Variants in EML6 observed in about 807,000 individuals in gnomAD.
EML6 encodes EMAP like 6.
Under a neutral mutation model 240.1 loss-of-function variants are expected in EML6, and 154 were observed. That is an observed-to-expected ratio of 0.64 (90% CI 0.56 to 0.73). The LOEUF (loss-of-function observed/expected upper bound fraction) is 0.73, where lower values mean the gene tolerates loss of function less well. Ranked by LOEUF, EML6 falls within the 30% of genes least tolerant of loss-of-function variation. EML6 has a pLI of 0.00. For missense variants in EML6, 2,964 were observed against 2,474.6 expected, an observed-to-expected ratio of 1.20 and a Z score of -4.20; for synonymous variants, 1,148 against 899.0, an observed-to-expected ratio of 1.28 and a Z score of -4.95.
At chr2:54,735,478 C>T (rs1281598650) in intron 2 of EML6, among the ~76,000 whole-genome samples, 6 of 152,164 alleles carry the variant, frequency 3.9e-5, no homozygotes, top group Non-Finnish European at 8.8e-5. Context: ...CATTGAGAGG[C>T]AGGATTCAGA....
intron 2 of EML6, among the ~76,000 whole-genome samples, chr2:54,773,274 C>T (rs1280602255): frequency 6.6e-6 from 1 of 152,248 alleles, no homozygotes; most frequent in African/African-American, 2.4e-5. Context: ...CTAGAAGGCT[C>T]CACTGAGCAG....
chr2:54,961,247 T>C (rs1049418287), intron 35 of EML6, among the ~76,000 whole-genome samples: 1 of 142,950 alleles, frequency 7.0e-6, no homozygotes, highest in Admixed American at 7.5e-5. Context: ...TACTGTGGCA[T>C]GATCTCAACT....
chr2:54,847,754 TAC>T, intron 9 of EML6, 131 bp downstream of exon 9: 2 of 926,760 alleles, frequency 2.2e-6, no homozygotes, highest in Non-Finnish European at 1.6e-6. Flanking sequence ...ACTATAGATC[TAC>T]GATCCCCTAT....
chr2:54,811,422 C>G (rs1248951910), intron 2 of EML6, among the ~76,000 whole-genome samples: 2 of 152,204 alleles, frequency 1.3e-5, no homozygotes, highest in Non-Finnish European at 2.9e-5. Context: ...TTCATATGAA[C>G]TCGTGTCTTC....
intron 35 of EML6, among the ~76,000 whole-genome samples, chr2:54,961,191 T>TTTTTTTTTGTTTTTTTG: frequency 9.0e-6 from 1 of 111,676 alleles, no homozygotes. Flanking sequence ...GTAGTTTTTT[T>TTTTTTTTTGTTTTTTTG]TTTTTTTTTT....
chr2:54,772,546 A>G (rs1668442813), intron 2 of EML6, among the ~76,000 whole-genome samples: 1 of 152,256 alleles, frequency 6.6e-6, no homozygotes, highest in African/African-American at 2.4e-5. Flanking sequence ...AATTTCCCCT[A>G]AACTGAGGCT....
intron 19 of EML6, among the ~76,000 whole-genome samples, chr2:54,894,095 G>C (rs999764429): frequency 2.6e-5 from 4 of 151,716 alleles, no homozygotes; most frequent in African/African-American, 4.8e-5. Flanking sequence ...TAAGAATAAG[G>C]ATATTTAGTG....
At position 54,850,134 on chromosome 2, in the gene EML6, A is replaced by G. The variant is rs1352079574; in HGVS notation, c.1360A>G (p.Ile454Val). ...AGAATGCAGCAAGTCCCTTAGTTTCATCACGCATATTGACTGGTCCTTGGA... is the reference window on the plus strand; with the variant it reads ...AGAATGCAGCAAGTCCCTTAGTTTCGTCACGCATATTGACTGGTCCTTGGA... ...IGECSKSLSFITHIDWSLDSK... is the reference protein window; with the variant it reads ...IGECSKSLSFVTHIDWSLDSK... Residue 454 changes from isoleucine (I) to valine (V), a missense_variant, in exon 10 of 42, where the codon ATC becomes GTC. By Grantham distance (29) the Ile-to-Val change is conservative (BLOSUM62 3). Coordinates refer to ENST00000356458, the MANE Select transcript of EML6 (RefSeq NM_001039753.4). 1.3e-6 allele frequency: 2 copies of G among 1,551,818 alleles called. No individual in the cohort carries two copies. Among genetic ancestry groups the G allele is most frequent in the Non-Finnish European group, 1.7e-6 (2 of 1,146,972 alleles).
At chr2:54,943,737 G>C (rs939086107) in intron 28 of EML6, among the ~76,000 whole-genome samples, 2 of 152,134 alleles carry the variant, frequency 1.3e-5, no homozygotes, top group Admixed American at 6.5e-5. Flanking sequence ...AAAAAGTTGA[G>C]ATGGTGACAT....
chr2:54,789,529 A>AG (rs1669301279), intron 2 of EML6, among the ~76,000 whole-genome samples: 1 of 147,420 alleles, frequency 6.8e-6, no homozygotes, highest in East Asian at 2.0e-4. Context: ...AAAAAAAAAA[A>AG]AAAAAAAAAA....
chr2:54,903,122 A>T lies in EML6; in HGVS notation c.3203A>T (p.Asn1068Ile). The part of the protein sequence containing the change: ...GLNDGSFLVV[N>I]ADTVEDMVSF... ...AACGATGGGAGTTTCCTGGTGGTAA[A>T]TGCTGACACTGTTGAAGACATGGTC... Residue 1068 changes from asparagine (N) to isoleucine (I), a missense_variant, in exon 23 of 42, where the codon AAT (asparagine) becomes ATT (isoleucine). Physicochemically the swap from Asn to Ile is moderately radical, Grantham distance 149. Coordinates refer to ENST00000356458, the MANE Select transcript of EML6 (RefSeq NM_001039753.4). The T allele has an allele frequency of 6.4e-7, 1 of 1,551,856 alleles. No individual in the cohort carries two copies. Among genetic ancestry groups the T allele is most frequent in the Non-Finnish European group, 8.7e-7 (1 of 1,146,966 alleles).
intron 32 of EML6, among the ~76,000 whole-genome samples, chr2:54,955,803 G>T (rs1039798688): frequency 1.3e-5 from 2 of 152,214 alleles, no homozygotes; most frequent in Admixed American, 1.3e-4. Flanking sequence ...TTGTGAGCCA[G>T]TGCTGATATG....
chr2:54,779,933 AT>A (rs1431406383), intron 2 of EML6, among the ~76,000 whole-genome samples: 2 of 151,940 alleles, frequency 1.3e-5, no homozygotes, highest in Non-Finnish European at 2.9e-5. Context: ...GAGGGAAAAA[AT>A]ATCTTTACAA....
At chr2:54,869,729 T>C (rs1018402579) in intron 15 of EML6, among the ~76,000 whole-genome samples, 3 of 152,234 alleles carry the variant, frequency 2.0e-5, no homozygotes, top group Admixed American at 1.3e-4. Flanking sequence ...CATTTAAAAA[T>C]ACTATAACAT....
At chr2:54,910,137 G>T (rs547441741) in intron 24 of EML6, among the ~76,000 whole-genome samples, 5 of 152,150 alleles carry the variant, frequency 3.3e-5, no homozygotes, top group Admixed American at 1.3e-4. Flanking sequence ...TTGGCCATGT[G>T]TTAATAGCTG....
At chr2:54,885,105 C>G (rs1017586871) in intron 17 of EML6, among the ~76,000 whole-genome samples, 1 of 151,988 alleles carries the variant, frequency 6.6e-6, no homozygotes, top group African/African-American at 2.4e-5. Context: ...TGCAGTGAGC[C>G]CAGATTGCGC....
chr2:54,914,097 T>A (rs1673779712), intron 25 of EML6, among the ~76,000 whole-genome samples: 1 of 152,240 alleles, frequency 6.6e-6, no homozygotes, highest in African/African-American at 2.4e-5. Flanking sequence ...TACCTCTGGC[T>A]TTGTTCTTTT....
At chr2:54,769,630 T>C (rs999390069) in intron 2 of EML6, among the ~76,000 whole-genome samples, 2 of 152,164 alleles carry the variant, frequency 1.3e-5, no homozygotes, top group African/African-American at 4.8e-5. Flanking sequence ...TACAACTTGA[T>C]GAGTTTGGAG....
intron 2 of EML6, among the ~76,000 whole-genome samples, chr2:54,728,826 A>C (rs1478215090): frequency 1.3e-5 from 2 of 152,162 alleles, no homozygotes; most frequent in Non-Finnish European, 1.5e-5. Context: ...TCTCTCTCCT[A>C]ACCTACCATC....
Sources: allele counts gnomAD v4.1 joint callset (sites outside exome capture counted in the v4.1 genomes callset), GRCh38; gene constraint gnomAD v4.1.1; transcripts MANE v1.5; gene names NCBI Gene and HGNC (gene_info 2026-07-23, HGNC 2026-07-21).